Variants in CLIC5 observed in about 807,000 individuals in gnomAD.
CLIC5 encodes the protein CLIC family member 5, also known as chloride intracellular channel protein 5.
CLIC5 carries 20 observed loss-of-function variants against 24.7 expected under a neutral mutation model. The ratio of observed to expected loss-of-function variants is 0.81; its 90% CI spans 0.57 to 1.18. The LOEUF is 1.18. Ranked by LOEUF, CLIC5 falls within the 50% of genes most tolerant of loss-of-function variation. CLIC5 has a pLI of 0.00. For synonymous variants in CLIC5, 159 were observed against 135.6 expected, an observed-to-expected ratio of 1.17 and a Z score of -1.20; for missense variants, 341 against 326.1, an observed-to-expected ratio of 1.05 and a Z score of -0.35.
At chr6:45,974,225 T>G (rs1195373059) in intron 1 of CLIC5, among the ~76,000 whole-genome samples, 1 of 151,650 alleles carries the variant, frequency 6.6e-6, no homozygotes, top group Non-Finnish European at 1.5e-5. Flanking sequence ...GTCCTTATGC[T>G]CCCCTGAGAA....
At chr6:46,027,072 G>A (rs1048126154) in intron 1 of CLIC5, among the ~76,000 whole-genome samples, 1 of 152,084 alleles carries the variant, frequency 6.6e-6, no homozygotes, top group Non-Finnish European at 1.5e-5. Flanking sequence ...TATACCTTAG[G>A]GAATAAAACA....
At chr6:45,921,538 C>T (rs1024651120) in intron 4 of CLIC5, among the ~76,000 whole-genome samples, 1 of 151,844 alleles carries the variant, frequency 6.6e-6, no homozygotes, top group Non-Finnish European at 1.5e-5. Flanking sequence ...AAGTTAACTG[C>T]TATTATTATT....
chr6:46,105,364 C>G, the CLIC5 span, among the ~76,000 whole-genome samples: 4 of 152,194 alleles, frequency 2.6e-5, no homozygotes, highest in East Asian at 7.7e-4. Flanking sequence ...TCATTAAAAG[C>G]CAATATTCAA....
At chr6:45,965,169 C>T (rs535598147) in intron 1 of CLIC5, among the ~76,000 whole-genome samples, 2 of 152,220 alleles carry the variant, frequency 1.3e-5, no homozygotes, top group South Asian at 4.2e-4. Flanking sequence ...TGTTCATTGG[C>T]CAGAGGAGAG....
At position 46,015,692 on chromosome 6, in the gene CLIC5, G is replaced by A. The variant is rs560355635; in HGVS notation, c.-150C>T. On this transcript the variant is annotated 5_prime_UTR_variant, in exon 1 of 6. Transcript: ENST00000339561. ...CACAAAACCATCTATTCTCCAGCCC[G>A]AGCAGCGGGGTCTGAGAGATCAGTG... is the stretch of plus-strand genomic sequence containing the variant. 23 of 1,286,010 alleles carry A rather than the reference G, an allele frequency of 1.8e-5. No individual in the cohort carries two copies. In the East Asian group the frequency reaches 6.6e-4, roughly 37 times the overall value. The allele number at this position is 1,286,010 out of a possible 1,614,324, so 79.7% of individuals were successfully genotyped here.
intron 1 of CLIC5, among the ~76,000 whole-genome samples, chr6:45,966,423 G>A (rs143202673): frequency 2.0e-5 from 3 of 152,052 alleles, no homozygotes; most frequent in Non-Finnish European, 4.4e-5. Flanking sequence ...CAATGTTCTC[G>A]AGGTGATTCT....
chr6:45,977,492 T>A (rs1581816067), intron 1 of CLIC5, among the ~76,000 whole-genome samples: 1 of 152,182 alleles, frequency 6.6e-6, no homozygotes, highest in East Asian at 1.9e-4. Context: ...CCTAAATTAT[T>A]TCTTTGGCCC....
At chr6:45,988,057 T>A (rs1481741873) in intron 1 of CLIC5, among the ~76,000 whole-genome samples, 2 of 152,174 alleles carry the variant, frequency 1.3e-5, no homozygotes, top group Non-Finnish European at 1.5e-5. Flanking sequence ...CATCTAAATA[T>A]CATCTATATC....
intron 1 of CLIC5, among the ~76,000 whole-genome samples, chr6:45,988,225 G>A (rs1007720293): frequency 5.3e-5 from 8 of 152,114 alleles, no homozygotes; most frequent in African/African-American, 1.9e-4. Flanking sequence ...AGAAGAGAGG[G>A]GTGATGGGTC....
At chr6:45,922,962 G>T (rs1323007913) in intron 4 of CLIC5, among the ~76,000 whole-genome samples, 1 of 151,938 alleles carries the variant, frequency 6.6e-6, no homozygotes, top group Non-Finnish European at 1.5e-5. Context: ...ATGGGGCAGT[G>T]GCGACACCTT....
At chr6:45,897,889 T>C (rs1409963252), downstream of CLIC5, among the ~76,000 whole-genome samples, 1 of 151,916 alleles carries the variant, frequency 6.6e-6, no homozygotes, top group Non-Finnish European at 1.5e-5. Context: ...ACAATGCAGA[T>C]GGGAAATATG....
rs142819489 is a variant in CLIC5 at position 46,001,886 on chromosome 6, G to A, written c.63+13594C>T. Among the ~76,000 whole-genome samples the A allele has an allele frequency of 1.7e-4, 26 of 152,264 alleles. No individual in the cohort carries two copies. In the East Asian group the frequency reaches 4.8e-3, roughly 28 times the overall value. ...GTGTCACCACAATATCTGGTGCATA[G>A]GAGAGAGATGCTCTGCAAATTATAT... On this transcript the variant is annotated intron_variant, in intron 1 of 5. Transcript: ENST00000339561.
chr6:46,032,981 A>ATTTTTTTTTTTTTTTTTTTTTTTTTT (rs35845581), intron 1 of CLIC5, among the ~76,000 whole-genome samples: 1 of 79,008 alleles, frequency 1.3e-5, no homozygotes. Flanking sequence ...GGAAATCTAC[A>ATTTTTTTTTTTTTTTTTTTTTTTTTT]TTTTTTTTTT....
At chr6:46,057,583 A>G (rs1768294764) in intron 1 of CLIC5, among the ~76,000 whole-genome samples, 1 of 152,122 alleles carries the variant, frequency 6.6e-6, no homozygotes, top group Admixed American at 6.5e-5. Context: ...TTAACTTTTG[A>G]TGACTCCCCA....
intron 5 of CLIC5, among the ~76,000 whole-genome samples, chr6:45,904,649 T>TCCCTCCCTCCCTCTCTCC (rs1561920395): frequency 1.1e-5 from 1 of 92,844 alleles, no homozygotes; most frequent in Non-Finnish European, 2.2e-5. Context: ...TTTCTGTCCC[T>TCCCTCCCTCCCTCTCTCC]TTCCTTCCCT....
At chr6:45,973,161 C>T (rs968797245) in intron 1 of CLIC5, among the ~76,000 whole-genome samples, 1 of 152,212 alleles carries the variant, frequency 6.6e-6, no homozygotes, top group East Asian at 1.9e-4. Flanking sequence ...GAACAGGCCC[C>T]ATCCTGCACC....
At chr6:46,090,643 T>A in the CLIC5 span, among the ~76,000 whole-genome samples, 1 of 152,230 alleles carries the variant, frequency 6.6e-6, no homozygotes, top group Non-Finnish European at 1.5e-5. Flanking sequence ...AATATGTGTA[T>A]ACATTGTGGA....
intron 4 of CLIC5, 128 bp from the exon 5 acceptor site, chr6:45,914,537 C>T (rs532784774): frequency 7.0e-6 from 9 of 1,283,238 alleles, no homozygotes; most frequent in Middle Eastern, 2.4e-4. Context: ...TCCCCACACA[C>T]TGCAGAATAC....
chr6:46,127,439 T>G, the CLIC5 span, among the ~76,000 whole-genome samples: 9 of 152,200 alleles, frequency 5.9e-5, no homozygotes, highest in Non-Finnish European at 1.0e-4. Flanking sequence ...TAAAATGGGT[T>G]TAAAGGCTCT....
Sources: allele counts gnomAD v4.1 joint callset (sites outside exome capture counted in the v4.1 genomes callset), GRCh38; gene constraint gnomAD v4.1.1; transcripts MANE v1.5; gene names NCBI Gene and HGNC (gene_info 2026-07-23, HGNC 2026-07-21).